ABHD16A: variants seen among roughly 807,000 people sequenced by gnomAD.
The protein encoded by ABHD16A is abhydrolase domain containing 16A, phospholipase, also known as phosphatidylserine lipase ABHD16A.
In ABHD16A, 47 loss-of-function variants were observed where a neutral mutation model predicts 89.8. The ratio of observed to expected loss-of-function variants is 0.52; its 90% CI spans 0.41 to 0.67. The LOEUF (loss-of-function observed/expected upper bound fraction) is 0.67. Among genes scored for constraint, ABHD16A ranks in the 30% least tolerant of loss-of-function variants. The pLI, the probability that ABHD16A is intolerant of heterozygous loss-of-function variation, is 0.00. For missense variants in ABHD16A, 580 were observed against 734.6 expected (o/e 0.79, Z 2.43); for synonymous variants, 251 against 280.4 (o/e 0.90, Z 1.05).
At chr6:31,697,147 G>A in intron 4 of ABHD16A, 114 bp from the exon 5 acceptor site, 2 of 971,078 alleles carry the variant, frequency 2.1e-6, no homozygotes, top group Non-Finnish European at 3.2e-6. Flanking sequence ...AAAAGTGAAA[G>A]AAAAAGGAAC....
At chr6:31,691,740 G>T in intron 8 of ABHD16A, 60 bp from the exon 9 acceptor site, 1 of 1,538,166 alleles carries the variant, frequency 6.5e-7, no homozygotes, top group Non-Finnish European at 8.8e-7. Context: ...TCACAGGGGT[G>T]GGGCGGGGTG....
Position 31,687,436 on chromosome 6 carries a change from A to G in ABHD16A, c.1593+62T>C. The G allele has an allele frequency of 6.2e-7, 1 of 1,608,198 alleles. No individual in the cohort carries two copies. Among genetic ancestry groups the G allele is most frequent in the South Asian group, 1.1e-5 (1 of 91,010 alleles). On this transcript the variant is annotated intron_variant, in intron 19 of 19. Transcript: ENST00000395952. The surrounding 1 kb of genome is among the most constrained non-coding windows in gnomAD (Gnocchi z 6.3). Reference sequence around the variant, plus strand: ...CTTCCAATGCTTATAGGGTATCCCCAGTCCCCCTATGTGAGCCCTGGCCAT... The same window carrying G: ...CTTCCAATGCTTATAGGGTATCCCCGGTCCCCCTATGTGAGCCCTGGCCAT...
At position 31,688,446 on chromosome 6, in the gene ABHD16A, G is replaced by A; in HGVS notation, c.1251-141C>T. On this transcript the variant is annotated intron_variant, in intron 14 of 19. Coordinates refer to ENST00000395952, the MANE Select transcript of ABHD16A (RefSeq NM_021160.3). The surrounding 1 kb of genome is among the most constrained non-coding windows in gnomAD (Gnocchi z 4.9). ...TTGACCTAGCCCTTCACTCAGGGGT[G>A]AGAGGGGATTATTTAAGGGGCATGG... is the stretch of plus-strand genomic sequence containing the variant. 1.1e-6 allele frequency: 1 copy of A among 909,586 alleles called. No individual in the cohort carries two copies. Among genetic ancestry groups the A allele is most frequent in the East Asian group, 2.5e-5 (1 of 40,506 alleles). 56.3% of individuals were successfully genotyped at this position (909,586 alleles called of 1,614,324 possible). A position where few individuals can be genotyped will look rare whatever the true frequency, so the allele number is the denominator to read the frequency against.
At position 31,688,157 on chromosome 6, in the gene ABHD16A, T is replaced by G. The variant is rs1803491051; in HGVS notation, c.1308-54A>C. 9 of 1,606,052 alleles carry G rather than the reference T, an allele frequency of 5.6e-6. No homozygotes were observed. In the African/African-American group the frequency reaches 1.2e-4, roughly 21 times the overall value. ...GGGCTGGAGGTTAGGAGGAAGGGTC[T>G]AGATACCCAGGTTTCTGGTGGGCAG... On this transcript the variant is annotated intron_variant, in intron 15 of 19. Transcript: ENST00000395952. The surrounding 1 kb of genome is among the most constrained non-coding windows in gnomAD (Gnocchi z 4.9).
chr6:31,687,265 T>C lies in ABHD16A; in HGVS notation c.1624A>G (p.Thr542Ala). The C allele has an allele frequency of 1.9e-6, 3 of 1,612,694 alleles. No homozygotes were observed. Among genetic ancestry groups the C allele is most frequent in the Non-Finnish European group, 2.5e-6 (3 of 1,179,912 alleles). Residue 542 changes from threonine to alanine, a missense_variant, in exon 20 of 20, where the codon ACT becomes GCT. By Grantham distance (58) the Thr-to-Ala change is moderately conservative. Transcript: ENST00000395952. This position sits in a 1 kb window ranked among gnomAD's most constrained non-coding sequence, Gnocchi z 6.3. ...ARKHLHNFEA[T>A]HCTPLPAQNF... ...TGGGCTGGGAGTGGGGTGCAGTGAG[T>C]GGCCTCAAAGTTGTGCAGATGCTTC... is the stretch of plus-strand genomic sequence containing the variant.
intron 4 of ABHD16A, among the ~76,000 whole-genome samples, chr6:31,700,180 C>T (rs1804814765): frequency 6.6e-6 from 1 of 151,250 alleles, no homozygotes. Flanking sequence ...GGATGGAGTG[C>T]AGTAGCGCAA....
rs750984440 is a variant in ABHD16A, at chr6:31,690,585, C to G, written c.861G>C (p.Gly287=). The G allele has an allele frequency of 3.7e-6, 6 of 1,612,882 alleles. No homozygotes were observed. The African/African-American group carries it at 4.0e-5, about 11-fold the overall frequency. ...QGQKLVICCE[G]NAGFYEVGCV... ...AGCCCACCTCATAAAACCCAGCATT[C>G]CCCTCACAGCAGATCACCTAGGAAG... The change falls in exon 10 of 20, where the codon GGG becomes GGC. Residue 287 remains glycine, a synonymous_variant. Transcript: ENST00000395952. This position sits in a 1 kb window ranked among gnomAD's most constrained non-coding sequence, Gnocchi z 4.1.
rs1179230051 is a variant in ABHD16A, at chr6:31,690,344, A to C, written c.907+195T>G. ...GGGGGAATGGAACAGAATGAAAAGC[A>C]TAATAGCTAGGGACACAGGCCAGGG... On this transcript the variant is annotated intron_variant, in intron 10 of 19. Transcript: ENST00000395952. This position sits in a 1 kb window ranked among gnomAD's most constrained non-coding sequence, Gnocchi z 4.1. 1.4e-6 allele frequency: 1 copy of C among 694,636 alleles called. No homozygotes were observed. The highest frequency in any genetic ancestry group is 1.8e-5 in the African/African-American group (1 of 55,772). The allele number at this position is 694,636 out of a possible 1,614,324, so 43.0% of individuals were successfully genotyped here. A position where few individuals can be genotyped will look rare whatever the true frequency, so the allele number is the denominator to read the frequency against.
Position 31,700,960 on chromosome 6 carries a change from C to A in ABHD16A, c.325G>T (p.Gly109Cys). 1 of 1,613,974 alleles carries A rather than the reference C, an allele frequency of 6.2e-7. No homozygotes were observed. The highest frequency in any genetic ancestry group is 1.6e-4 in the Middle Eastern group (1 of 6,062). ...YAGTLLLLLA[G>C]VACLRGIGRW... ...CACCTACCTCGGAGGCAGGCCACAC[C>A]TGCCAGAAGTAGCAGCAATGTCCCA... The change falls in exon 4 of 20, where the codon GGT (glycine) becomes TGT (cysteine). Residue 109 changes from glycine (G) to cysteine (C), a missense_variant. This residue lies in a region of ABHD16A where 165 missense variants were observed against 165.8 expected (regional missense o/e 1.00). Coordinates refer to ENST00000395952, the MANE Select transcript of ABHD16A (RefSeq NM_021160.3).
chr6:31,694,041 G>A (rs1443096203), intron 5 of ABHD16A, among the ~76,000 whole-genome samples: 2 of 150,846 alleles, frequency 1.3e-5, no homozygotes, highest in Admixed American at 6.6e-5. Context: ...CCACCCCACT[G>A]AGCCAGTCCA....
chr6:31,693,226 G>A lies in ABHD16A; in HGVS notation c.504-77C>T. 4 of 1,589,334 alleles carry A rather than the reference G, an allele frequency of 2.5e-6. No individual in the cohort carries two copies. In the South Asian group the frequency reaches 4.5e-5, roughly 18 times the overall value. ...ATGTCTGAGGTCTGGAGAACAGTGG[G>A]GTCTAGGAACGACATAATGGCATTG... On this transcript the variant is annotated intron_variant, in intron 6 of 19. Transcript: ENST00000395952. This position sits in a 1 kb window ranked among gnomAD's most constrained non-coding sequence, Gnocchi z 5.0.
chr6:31,701,217 C>T, intron 3 of ABHD16A, 57 bp downstream of exon 3: 4 of 1,539,076 alleles, frequency 2.6e-6, no homozygotes, highest in Non-Finnish European at 3.6e-6. Context: ...AGGGAGCTGG[C>T]TCATCTGCCA....
In ABHD16A at chr6:31,693,573, T is replaced by A. The variant is rs1804115699; in HGVS notation, c.430-141A>T. On this transcript the variant is annotated intron_variant, in intron 5 of 19. Coordinates refer to ENST00000395952, the MANE Select transcript of ABHD16A (RefSeq NM_021160.3). The surrounding 1 kb of genome is among the most constrained non-coding windows in gnomAD (Gnocchi z 5.0). The stretch of plus-strand genomic sequence containing the variant: ...CAAGCGGAGGTCAATACCCTCCCAA[T>A]TCTCAGATGGAAAATTCTAACAGGA... The A allele has an allele frequency of 2.7e-6, 2 of 739,520 alleles. No individual in the cohort carries two copies. The highest frequency in any genetic ancestry group is 2.3e-6 in the Non-Finnish European group (1 of 440,480). The allele number at this position is 739,520 out of a possible 1,614,324, so 45.8% of individuals were successfully genotyped here. A position where few individuals can be genotyped will look rare whatever the true frequency, so the allele number is the denominator to read the frequency against.
intron 4 of ABHD16A, among the ~76,000 whole-genome samples, chr6:31,699,678 T>G (rs1037171116): frequency 3.3e-5 from 5 of 152,090 alleles, no homozygotes; most frequent in Non-Finnish European, 5.9e-5. Flanking sequence ...GTTCAAGCAG[T>G]TCTCATGCCT....
At chr6:31,702,540 G>A in intron 1 of ABHD16A, 3 of 1,294,104 alleles carry the variant, frequency 2.3e-6, no homozygotes, top group Middle Eastern at 1.9e-4. Context: ...GGGTAGGAGC[G>A]GGCAGTTTGT....
Position 31,698,429 on chromosome 6 carries a change from T to C in ABHD16A, c.344-1396A>G, listed in dbSNP as rs998014389. On this transcript the variant is annotated intron_variant, in intron 4 of 19. Transcript: ENST00000395952. This position sits in a 1 kb window ranked among gnomAD's most constrained non-coding sequence, Gnocchi z 4.1. ...ATATAAAAAAAAAATCACAAAACTA[T>C]ACATCAAAAAATTTAAAAAGGCTTT... Among the ~76,000 whole-genome samples, 1 of 151,962 alleles carries C rather than the reference T, an allele frequency of 6.6e-6. No individual in the cohort carries two copies. Among genetic ancestry groups the C allele is most frequent in the Non-Finnish European group, 1.5e-5 (1 of 67,980 alleles).
intron 12 of ABHD16A, 30 bp downstream of exon 12, chr6:31,689,551 T>C (rs1401121122): frequency 6.4e-7 from 1 of 1,554,698 alleles, no homozygotes; most frequent in Non-Finnish European, 8.7e-7. Flanking sequence ...TGAATGTGTC[T>C]ACAGTGGGGG....
At position 31,688,665 on chromosome 6, in the gene ABHD16A, G is replaced by A. The variant is rs1018010466; in HGVS notation, c.1250+58C>T. ...TTAGTACTAGTTTCAGGGTTTGAGC[G>A]CCCAGCAGAGCTGTATGGGGGGCAG... On this transcript the variant is annotated intron_variant, in intron 14 of 19. Transcript: ENST00000395952. This position sits in a 1 kb window ranked among gnomAD's most constrained non-coding sequence, Gnocchi z 4.9. 3.6e-5 allele frequency: 57 copies of A among 1,586,476 alleles called. No individual in the cohort carries two copies. Among genetic ancestry groups the A allele is most frequent in the East Asian group, 4.5e-5 (2 of 44,704 alleles).
At position 31,687,704 on chromosome 6, in the gene ABHD16A, C is replaced by A; in HGVS notation, c.1484G>T (p.Trp495Leu). Reference protein sequence around the residue: ...IYSRWEVEEDWCLSVLRSYQA... With the variant: ...IYSRWEVEEDLCLSVLRSYQA... Reference sequence around the variant, plus strand: ...GTAGGAGCGGAGGACAGACAGACACCAGTCCTCTTCCACCTCCCATCGGCT... The same window carrying A: ...GTAGGAGCGGAGGACAGACAGACACAAGTCCTCTTCCACCTCCCATCGGCT... Residue 495 changes from tryptophan to leucine, a missense_variant, in exon 18 of 20, where the codon TGG (tryptophan) becomes TTG (leucine). Trp to Leu is a moderately conservative substitution (Grantham distance 61). Transcript: ENST00000395952. This position sits in a 1 kb window ranked among gnomAD's most constrained non-coding sequence, Gnocchi z 6.3. 1 of 1,612,918 alleles carries A rather than the reference C, an allele frequency of 6.2e-7. No individual in the cohort carries two copies. Among genetic ancestry groups the A allele is most frequent in the Non-Finnish European group, 8.5e-7 (1 of 1,179,932 alleles).
Sources: gnomAD v4.1 joint callset for allele counts (sites outside exome capture counted in the v4.1 genomes callset) on GRCh38, gnomAD v4.1.1 for gene constraint, gnomAD v4.1.1 regional missense constraint, Gnocchi (gnomAD v3.1) non-coding constraint, MANE v1.5 for transcripts, NCBI Gene and HGNC (gene_info 2026-07-23, HGNC 2026-07-21) for gene names.